The following DGUOK variants were observed in gnomAD, a reference collection of about 807,000 sequenced individuals.
The protein encoded by DGUOK is deoxyguanosine kinase, mitochondrial.
In DGUOK, 30 loss-of-function variants were observed where a neutral mutation model predicts 36.6. The observed-to-expected ratio is 0.82, with a 90% CI of 0.61 to 1.11. The LOEUF is 1.11. Among genes scored for constraint, DGUOK ranks in the 50% most tolerant of loss-of-function variants. The pLI, the probability that DGUOK is intolerant of heterozygous loss-of-function variation, is 0.00. For missense variants in DGUOK, 361 were observed against 336.4 expected (o/e 1.07, Z -0.57); for synonymous variants, 145 against 126.3 (o/e 1.15, Z -0.99).
intron 1 of DGUOK, among the ~76,000 whole-genome samples, chr2:73,936,267 A>G (rs1681457728): frequency 6.6e-6 from 1 of 152,216 alleles, no homozygotes; most frequent in Non-Finnish European, 1.5e-5. Context: ...CCAGTGTGGT[A>G]GGAATTCAGA....
chr2:73,933,528 A>G (rs986290638), intron 1 of DGUOK, among the ~76,000 whole-genome samples: 5 of 151,950 alleles, frequency 3.3e-5, no homozygotes, highest in African/African-American at 1.2e-4. Flanking sequence ...AGGCGGGAGG[A>G]GGGGATGTCA....
chr2:73,954,347 A>G (rs1242078285), intron 4 of DGUOK, among the ~76,000 whole-genome samples: 2 of 151,868 alleles, frequency 1.3e-5, no homozygotes, highest in Admixed American at 1.3e-4. Flanking sequence ...TGTCTCAAAT[A>G]AATGAATAAA....
At chr2:73,955,612 C>T (rs1293733397) in intron 4 of DGUOK, among the ~76,000 whole-genome samples, 2 of 152,162 alleles carry the variant, frequency 1.3e-5, no homozygotes, top group African/African-American at 4.8e-5. Flanking sequence ...CGGTGGCTCA[C>T]GCCTGTAATC....
intron 4 of DGUOK, among the ~76,000 whole-genome samples, chr2:73,952,142 C>A (rs1471029705): frequency 6.6e-6 from 1 of 152,248 alleles, no homozygotes; most frequent in East Asian, 1.9e-4. Context: ...ATACTCCAGC[C>A]CAGGTGACAG....
Position 73,958,143 on chromosome 2 carries a change from T to G in DGUOK, c.708-3T>G. The stretch of plus-strand genomic sequence containing the variant: ...GTCCCCCAAACGTTCACGCTTCTTA[T>G]AGGCTCCACTTTGAGGCTCTGATGA... On this transcript the variant is annotated splice_polypyrimidine_tract_variant and splice_region_variant and intron_variant, in intron 5 of 6. Transcript: ENST00000264093. The G allele has an allele frequency of 6.2e-7, 1 of 1,613,034 alleles. No individual in the cohort carries two copies. The highest frequency in any genetic ancestry group is 8.5e-7 in the Non-Finnish European group (1 of 1,179,140).
In DGUOK at chr2:73,952,448, G is replaced by A. The variant is rs191934060; in HGVS notation, c.591+1716G>A. ...AAAGTGTAGGGTTCAAGTTGGGAGA[G>A]AAGTCCTGAGCCCCAGGAAGGCTTG... On this transcript the variant is annotated intron_variant, in intron 4 of 6. Transcript: ENST00000264093. 6.6e-5 allele frequency among the ~76,000 whole-genome samples: 10 copies of A among 152,328 alleles called. No individual in the cohort carries two copies. In the East Asian group the frequency reaches 1.9e-3, roughly 29 times the overall value.
At chr2:73,934,712 C>CTGTG (rs1330677399) in intron 1 of DGUOK, among the ~76,000 whole-genome samples, 2 of 150,520 alleles carry the variant, frequency 1.3e-5, no homozygotes, top group African/African-American at 2.4e-5. Flanking sequence ...CCGAGATCAC[C>CTGTG]CCACTGCACT....
intron 2 of DGUOK, among the ~76,000 whole-genome samples, chr2:73,944,703 A>G (rs1236610529): frequency 6.6e-6 from 1 of 152,130 alleles, no homozygotes; most frequent in African/African-American, 2.4e-5. Context: ...TTTCTTTTAC[A>G]TTTTTGGTTC....
intron 3 of DGUOK, among the ~76,000 whole-genome samples, chr2:73,949,670 C>T (rs1682572639): frequency 6.6e-6 from 1 of 152,194 alleles, no homozygotes; most frequent in Non-Finnish European, 1.5e-5. Context: ...AGCCATCATA[C>T]ACAAGGGTTC....
chr2:73,928,171 A>T (rs1680748309), intron 1 of DGUOK, among the ~76,000 whole-genome samples: 1 of 152,236 alleles, frequency 6.6e-6, no homozygotes, highest in Admixed American at 6.5e-5. Flanking sequence ...CTTGTTACCC[A>T]GGCTGGAGTG....
chr2:73,948,092 T>A (rs777605495), intron 3 of DGUOK, among the ~76,000 whole-genome samples: 8 of 152,216 alleles, frequency 5.3e-5, no homozygotes, highest in Non-Finnish European at 8.8e-5. Flanking sequence ...GCTAAATATG[T>A]GAATTACAAA....
intron 1 of DGUOK, among the ~76,000 whole-genome samples, chr2:73,929,565 T>C (rs1468443001): frequency 6.6e-6 from 1 of 152,092 alleles, no homozygotes; most frequent in Non-Finnish European, 1.5e-5. Context: ...GACTGAGCCC[T>C]GAGCATGCAA....
intron 1 of DGUOK, among the ~76,000 whole-genome samples, chr2:73,929,047 A>T (rs1680814524): frequency 6.6e-6 from 1 of 152,148 alleles, no homozygotes; most frequent in Admixed American, 6.5e-5. Context: ...AATTATTTTG[A>T]CTTGAGTACT....
chr2:73,933,824 C>A (rs1681244680), intron 1 of DGUOK, among the ~76,000 whole-genome samples: 1 of 152,054 alleles, frequency 6.6e-6, no homozygotes, highest in South Asian at 2.1e-4. Flanking sequence ...GTACTTACCT[C>A]TGAGTAGCTA....
At chr2:73,932,540 A>G in intron 1 of DGUOK, 1 of 1,060,132 alleles carries the variant, frequency 9.4e-7, no homozygotes, top group Non-Finnish European at 1.3e-6. Flanking sequence ...TGGTACCCAC[A>G]CAGGGAATGT....
At chr2:73,948,904 A>G (rs965156423) in intron 3 of DGUOK, among the ~76,000 whole-genome samples, 2 of 152,224 alleles carry the variant, frequency 1.3e-5, no homozygotes, top group African/African-American at 4.8e-5. Flanking sequence ...AAGAAAGCCA[A>G]GAACCCCTTT....
chr2:73,927,696 TATTAA>T (rs1160642643), intron 1 of DGUOK, among the ~76,000 whole-genome samples: 13 of 152,236 alleles, frequency 8.5e-5, no homozygotes, highest in Non-Finnish European at 5.9e-5. Context: ...TAAAAACATG[TATTAA>T]ATTAAAAATT....
chr2:73,927,495 A>G (rs1323361094), intron 1 of DGUOK, among the ~76,000 whole-genome samples: 6 of 152,230 alleles, frequency 3.9e-5, no homozygotes, highest in Non-Finnish European at 5.9e-5. Flanking sequence ...CTTACAGCAA[A>G]ACAACAACGA....
In DGUOK at chr2:73,937,637, G is replaced by T. The variant is rs945340629; in HGVS notation, c.143-1273G>T. On this transcript the variant is annotated intron_variant, in intron 1 of 6. Transcript: ENST00000264093. ...GATACAGGAGGAAGCTCAATTTGGT[G>T]GGAAAGATGATTAGTTCATTTAGGA... Among the ~76,000 whole-genome samples, 12 of 152,286 alleles carry T rather than the reference G, an allele frequency of 7.9e-5. No individual in the cohort carries two copies. In the South Asian group the frequency reaches 2.3e-3, roughly 29 times the overall value.
Sources: allele counts gnomAD v4.1 joint callset (sites outside exome capture counted in the v4.1 genomes callset), GRCh38; gene constraint gnomAD v4.1.1; transcripts MANE v1.5; gene names NCBI Gene and HGNC (gene_info 2026-07-23, HGNC 2026-07-21).